PROK2: variants seen among roughly 807,000 people sequenced by gnomAD.
The protein encoded by PROK2 is prokineticin 2.
In PROK2, 8 loss-of-function variants were observed where a neutral mutation model predicts 14.2. That is an observed-to-expected ratio of 0.56 (90% CI 0.33 to 1.02). The LOEUF (loss-of-function observed/expected upper bound fraction) is 1.02, where lower values mean the gene tolerates loss of function less well. PROK2 is among the 50% of genes least tolerant of loss of function. The pLI is 0.03. For missense variants in PROK2, 154 were observed against 160.4 expected (o/e 0.96, Z 0.22); for synonymous variants, 59 against 60.7 (o/e 0.97, Z 0.13).
chr3:71,781,940 C>T (rs1224201323), intron 1 of PROK2, among the ~76,000 whole-genome samples: 1 of 152,044 alleles, frequency 6.6e-6, no homozygotes, highest in Non-Finnish European at 1.5e-5. Context: ...TACTCTTATA[C>T]TACACATGGC....
intron 2 of PROK2, among the ~76,000 whole-genome samples, chr3:71,779,398 G>C (rs144548465): frequency 6.6e-6 from 1 of 152,192 alleles, no homozygotes; most frequent in Non-Finnish European, 1.5e-5. Flanking sequence ...TTGTATACAG[G>C]CTTGCTGTAT....
chr3:71,775,339 T>C (rs1333067154), intron 2 of PROK2, among the ~76,000 whole-genome samples: 1 of 152,234 alleles, frequency 6.6e-6, no homozygotes, highest in African/African-American at 2.4e-5. Context: ...GAGCATACAA[T>C]GATGAGCAAC....
At chr3:71,779,783 A>T (rs1043848318) in intron 2 of PROK2, among the ~76,000 whole-genome samples, 6 of 151,856 alleles carry the variant, frequency 4.0e-5, no homozygotes, top group African/African-American at 1.5e-4. Context: ...ATTTTTAAAA[A>T]TTTTTCTATA....
intron 2 of PROK2, among the ~76,000 whole-genome samples, chr3:71,778,057 C>T (rs931414639): frequency 1.3e-5 from 2 of 151,840 alleles, no homozygotes; most frequent in Admixed American, 6.6e-5. Flanking sequence ...ATTAGCCGGG[C>T]GTGGTTGTGG....
intron 2 of PROK2, 58 bp downstream of exon 2, chr3:71,781,409 A>G: frequency 3.2e-6 from 5 of 1,587,288 alleles, no homozygotes; most frequent in Non-Finnish European, 4.3e-6. Flanking sequence ...TGTCATACAG[A>G]CCCTGCTCAG....
At chr3:71,783,508 T>C (rs772112477) in intron 1 of PROK2, among the ~76,000 whole-genome samples, 2 of 152,188 alleles carry the variant, frequency 1.3e-5, no homozygotes, top group African/African-American at 2.4e-5. Flanking sequence ...TCTTGGAAAA[T>C]TTACAAAGAG....
chr3:71,772,579 T>C lies in PROK2; in HGVS notation c.*145A>G. ...TTCGATAAAAAAAAAAAAAAATCATTTACAAATCAAAGATAAAAATGTTAC... is the reference window on the plus strand; with the variant it reads ...TTCGATAAAAAAAAAAAAAAATCATCTACAAATCAAAGATAAAAATGTTAC... On this transcript the variant is annotated 3_prime_UTR_variant, in exon 4 of 4. Transcript: ENST00000295619. The C allele has an allele frequency of 1.4e-6, 1 of 735,518 alleles. No homozygotes were observed. Among genetic ancestry groups the C allele is most frequent in the Admixed American group, 2.8e-5 (1 of 35,594 alleles). The allele number at this position is 735,518 out of a possible 1,614,324, so 45.6% of individuals were successfully genotyped here. A position where few individuals can be genotyped will look rare whatever the true frequency, so the allele number is the denominator to read the frequency against.
chr3:71,772,574 A>G lies in PROK2; in HGVS notation c.*150T>C, dbSNP rs1431458526. 1.4e-6 allele frequency: 1 copy of G among 709,966 alleles called. No homozygotes were observed. The highest frequency in any genetic ancestry group is 1.8e-5 in the South Asian group (1 of 55,588). 44.0% of individuals were successfully genotyped at this position (709,966 alleles called of 1,614,324 possible). ...TCTCTTTCGATAAAAAAAAAAAAAA[A>G]TCATTTACAAATCAAAGATAAAAAT... On this transcript the variant is annotated 3_prime_UTR_variant, in exon 4 of 4. Coordinates refer to ENST00000295619, the MANE Select transcript of PROK2 (RefSeq NM_001126128.2).
At chr3:71,782,604 G>C (rs1405107018) in intron 1 of PROK2, among the ~76,000 whole-genome samples, 3 of 151,822 alleles carry the variant, frequency 2.0e-5, no homozygotes, top group Non-Finnish European at 2.9e-5. Flanking sequence ...TTTTGGTAGT[G>C]ATAAGATAAA....
chr3:71,779,778 T>A (rs1223412742), intron 2 of PROK2, among the ~76,000 whole-genome samples: 1 of 152,116 alleles, frequency 6.6e-6, no homozygotes, highest in African/African-American at 2.4e-5. Context: ...AGCTAATTTT[T>A]AAAAATTTTT....
chr3:71,774,627 G>T, intron 2 of PROK2, 120 bp from the exon 3 acceptor site: 1 of 1,328,548 alleles, frequency 7.5e-7, no homozygotes, highest in Non-Finnish European at 1.0e-6. Flanking sequence ...AGCCATCCCA[G>T]TTCCTCTGTC....
intron 2 of PROK2, 132 bp downstream of exon 2, chr3:71,781,335 C>T: frequency 8.5e-7 from 1 of 1,180,554 alleles, no homozygotes; most frequent in Non-Finnish European, 1.2e-6. Flanking sequence ...GGTAGTTTTA[C>T]ACTGTTATCC....
chr3:71,773,100 C>T (rs2050093122), intron 3 of PROK2, among the ~76,000 whole-genome samples: 1 of 152,178 alleles, frequency 6.6e-6, no homozygotes, highest in Non-Finnish European at 1.5e-5. Context: ...CTGCCTCGGG[C>T]TCCCGAGTAG....
intron 1 of PROK2, 35 bp downstream of exon 1, chr3:71,784,922 C>T: frequency 8.1e-7 from 1 of 1,227,406 alleles, no homozygotes. Flanking sequence ...CCCAGGCGCG[C>T]ATCAGGGGCA....
chr3:71,773,687 A>T (rs2050097633), intron 3 of PROK2, among the ~76,000 whole-genome samples: 1 of 152,234 alleles, frequency 6.6e-6, no homozygotes, highest in Non-Finnish European at 1.5e-5. Context: ...TAAAAGGAAC[A>T]GAGGAAAATC....
chr3:71,774,385 T>C (rs2050102607), intron 3 of PROK2, 60 bp downstream of exon 3: 17 of 1,551,244 alleles, frequency 1.1e-5, no homozygotes, highest in Admixed American at 3.9e-5. Flanking sequence ...AGTCCAACAA[T>C]GTAAAGGCTA....
intron 2 of PROK2, among the ~76,000 whole-genome samples, chr3:71,775,920 T>C (rs906900341): frequency 6.6e-6 from 1 of 152,156 alleles, no homozygotes; most frequent in African/African-American, 2.4e-5. Flanking sequence ...GGGCAGAAGA[T>C]GACCAACTCA....
At chr3:71,781,684 AT>A in intron 1 of PROK2, 92 bp from the exon 2 acceptor site, 1 of 1,335,320 alleles carries the variant, frequency 7.5e-7, no homozygotes, top group South Asian at 1.2e-5. Context: ...CCCTTTAAAT[AT>A]CTAAACACTT....
At chr3:71,778,436 G>A (rs181520557) in intron 2 of PROK2, among the ~76,000 whole-genome samples, 47 of 151,978 alleles carry the variant, frequency 3.1e-4, no homozygotes, top group Admixed American at 7.9e-4. Flanking sequence ...AAGTTAATTG[G>A]TACATGTTAA....
Sources: gnomAD v4.1 joint callset for allele counts (sites outside exome capture counted in the v4.1 genomes callset) on GRCh38, gnomAD v4.1.1 for gene constraint, MANE v1.5 for transcripts, NCBI Gene and HGNC (gene_info 2026-07-23, HGNC 2026-07-21) for gene names.